The following ZNF420 variants were observed in gnomAD, a reference collection of about 807,000 sequenced individuals.
The protein encoded by ZNF420 is ATM and p53-associated KZNF protein.
ZNF420 carries 31 observed loss-of-function variants against 44.7 expected under a neutral mutation model. That is an observed-to-expected ratio of 0.69 (90% CI 0.52 to 0.94). The LOEUF is 0.94. Ranked by LOEUF, ZNF420 falls within the 40% of genes least tolerant of loss-of-function variation. The pLI, the probability that ZNF420 is intolerant of heterozygous loss-of-function variation, is 0.00. For missense variants in ZNF420, 681 were observed against 827.9 expected, an observed-to-expected ratio of 0.82 and a Z score of 2.18; for synonymous variants, 245 against 267.4, an observed-to-expected ratio of 0.92 and a Z score of 0.82.
intron 1 of ZNF420, among the ~76,000 whole-genome samples, chr19:37,009,416 C>T (rs907168473): frequency 3.4e-4 from 52 of 151,912 alleles, no homozygotes; most frequent in African/African-American, 1.3e-3. Flanking sequence ...GTCACCTGTG[C>T]CCCCCTTCCA....
chr19:37,095,599 C>G (rs1969395529), intron 4 of ZNF420, among the ~76,000 whole-genome samples: 1 of 151,244 alleles, frequency 6.6e-6, no homozygotes, highest in Admixed American at 6.6e-5. Context: ...TTTTTCTTTT[C>G]TTTTCTTTTC....
intron 1 of ZNF420, among the ~76,000 whole-genome samples, chr19:37,008,751 T>C (rs547052007): frequency 4.1e-4 from 62 of 152,348 alleles, no homozygotes; most frequent in African/African-American, 1.4e-3. Context: ...GGCACTGTGC[T>C]GTATCCTGCC....
At chr19:37,050,764 G>A (rs999624123) in intron 1 of ZNF420, among the ~76,000 whole-genome samples, 1 of 152,164 alleles carries the variant, frequency 6.6e-6, no homozygotes, top group African/African-American at 2.4e-5. Context: ...GAATAGGAGT[G>A]GTGAGAGAGG....
intron 4 of ZNF420, among the ~76,000 whole-genome samples, chr19:37,104,129 C>G (rs964430784): frequency 2.6e-5 from 4 of 151,086 alleles, no homozygotes; most frequent in Admixed American, 1.3e-4. Flanking sequence ...ATTCCTCCCC[C>G]CTTCCCCCTC....
At chr19:37,022,769 G>A (rs1312332354) in intron 1 of ZNF420, among the ~76,000 whole-genome samples, 1 of 151,926 alleles carries the variant, frequency 6.6e-6, no homozygotes, top group East Asian at 1.9e-4. Flanking sequence ...TACATATGAT[G>A]CCCAGAGGGG....
At chr19:37,117,844 G>T (rs532700741) in intron 4 of ZNF420, among the ~76,000 whole-genome samples, 1 of 152,164 alleles carries the variant, frequency 6.6e-6, no homozygotes, top group Non-Finnish European at 1.5e-5. Flanking sequence ...CTCAGGAGCC[G>T]ACACGATCAA....
intron 4 of ZNF420, among the ~76,000 whole-genome samples, chr19:37,126,468 G>A (rs1403053953): frequency 6.6e-6 from 1 of 152,168 alleles, no homozygotes; most frequent in Non-Finnish European, 1.5e-5. Context: ...CAAAGTCATT[G>A]AAGAGTTTGG....
chr19:37,122,560 A>T (rs962826444), intron 4 of ZNF420, among the ~76,000 whole-genome samples: 2 of 152,148 alleles, frequency 1.3e-5, no homozygotes, highest in Admixed American at 1.3e-4. Flanking sequence ...ACATGTATAC[A>T]TATGTAACAA....
intron 1 of ZNF420, among the ~76,000 whole-genome samples, chr19:37,064,269 C>T (rs1967928935): frequency 6.6e-6 from 1 of 152,158 alleles, no homozygotes; most frequent in African/African-American, 2.4e-5. Context: ...TGTAAACACA[C>T]CATTCTTCAT....
At chr19:37,120,848 A>G (rs1343877262) in intron 4 of ZNF420, among the ~76,000 whole-genome samples, 2 of 152,200 alleles carry the variant, frequency 1.3e-5, no homozygotes, top group African/African-American at 2.4e-5. Context: ...ACAGAGAGCC[A>G]AATCATGAGT....
At chr19:37,089,230 C>T in intron 3 of ZNF420, 103 bp downstream of exon 3, 1 of 973,362 alleles carries the variant, frequency 1.0e-6, no homozygotes, top group Non-Finnish European at 1.7e-6. Flanking sequence ...TGACCTCACT[C>T]AGGAATGTGC....
rs570299031 is a variant in ZNF420 at position 37,111,256 on chromosome 19, A to G, written c.137-15872A>G. Among the ~76,000 whole-genome samples the G allele has an allele frequency of 1.1e-4, 16 of 152,218 alleles. No homozygotes were observed. The South Asian group carries it at 3.3e-3, about 32-fold the overall frequency. On this transcript the variant is annotated intron_variant, in intron 4 of 4. Transcript: ENST00000337995. ...ACTGAATTTTTTCTTCCACTAATTT[A>G]ATTTCTTTTGTTGCCTCTCGGGTTA...
chr19:37,098,654 A>G (rs922619324), intron 4 of ZNF420, among the ~76,000 whole-genome samples: 2 of 152,240 alleles, frequency 1.3e-5, no homozygotes, highest in African/African-American at 2.4e-5. Context: ...GATAATTAGC[A>G]TATCTGTCAC....
At chr19:37,062,311 ATTATAT>A (rs1967892298) in intron 1 of ZNF420, among the ~76,000 whole-genome samples, 1 of 152,178 alleles carries the variant, frequency 6.6e-6, no homozygotes, top group South Asian at 2.1e-4. Flanking sequence ...CAGAAAAGAC[ATTATAT>A]TTAAGAGGAG....
intron 4 of ZNF420, among the ~76,000 whole-genome samples, chr19:37,123,968 TTTG>T (rs1295921277): frequency 4.6e-5 from 7 of 152,154 alleles, no homozygotes; most frequent in African/African-American, 1.7e-4. Context: ...TTTATTGGTG[TTTG>T]TTAAGAAATC....
Position 37,128,915 on chromosome 19 carries a change from C to G in ZNF420, c.1924C>G (p.Pro642Ala). The G allele has an allele frequency of 1.2e-6, 2 of 1,614,020 alleles. No homozygotes were observed. Among genetic ancestry groups the G allele is most frequent in the Non-Finnish European group, 8.5e-7 (1 of 1,179,968 alleles). ...RHQRIHTGEK[P>A]YQCKECGKAF... ...TCAGAGAATTCATACTGGTGAGAAA[C>G]CATATCAATGTAAGGAATGTGGGAA... is the stretch of plus-strand genomic sequence containing the variant. Residue 642 changes from proline to alanine, a missense_variant, in exon 5 of 5, where the codon CCA becomes GCA. This residue lies in a region of ZNF420 where 280 missense variants were observed against 338.6 expected (regional missense o/e 0.83). Coordinates refer to ENST00000337995, the MANE Select transcript of ZNF420 (RefSeq NM_144689.5).
intron 1 of ZNF420, among the ~76,000 whole-genome samples, chr19:37,059,788 G>GTCTCTTTC (rs1437387481): frequency 1.3e-5 from 2 of 151,822 alleles, no homozygotes; most frequent in African/African-American, 4.8e-5. Flanking sequence ...CTCTGTCTCT[G>GTCTCTTTC]TCTCTTTCTC....
intron 1 of ZNF420, among the ~76,000 whole-genome samples, chr19:37,068,266 C>T (rs1968002252): frequency 6.6e-6 from 1 of 151,808 alleles, no homozygotes; most frequent in African/African-American, 2.4e-5. Flanking sequence ...GGAGGGGGAA[C>T]CAAACTGAAG....
rs1264758987 is a variant in ZNF420 at position 37,089,015 on chromosome 19, A to G, written c.-80-24A>G. 3 of 1,011,640 alleles carry G rather than the reference A, an allele frequency of 3.0e-6. No homozygotes were observed. The East Asian group carries it at 7.1e-5, about 24-fold the overall frequency. 62.7% of individuals were successfully genotyped at this position (1,011,640 alleles called of 1,614,324 possible). Reference sequence around the variant, plus strand: ...GTTACTTTGCAAAACACCTGGTCTCATGGTTCTGCTTTCTCCTCCGTAGCT... The same window carrying G: ...GTTACTTTGCAAAACACCTGGTCTCGTGGTTCTGCTTTCTCCTCCGTAGCT... On this transcript the variant is annotated intron_variant, in intron 2 of 4. Coordinates refer to ENST00000337995, the MANE Select transcript of ZNF420 (RefSeq NM_144689.5).
Sources: gnomAD v4.1 joint callset for allele counts (sites outside exome capture counted in the v4.1 genomes callset) on GRCh38, gnomAD v4.1.1 for gene constraint, gnomAD v4.1.1 regional missense constraint, MANE v1.5 for transcripts, NCBI Gene and HGNC (gene_info 2026-07-23, HGNC 2026-07-21) for gene names.